ARHGEF3: variants seen among roughly 807,000 people sequenced by gnomAD.
The protein encoded by ARHGEF3 is Rho guanine nucleotide exchange factor 3.
In ARHGEF3, 28 loss-of-function variants were observed where a neutral mutation model predicts 63.2. The ratio of observed to expected loss-of-function variants is 0.44; its 90% CI spans 0.33 to 0.61. The LOEUF (loss-of-function observed/expected upper bound fraction) is 0.61. ARHGEF3 is among the 20% of genes least tolerant of loss of function. The pLI is 0.03. For missense variants in ARHGEF3, 533 were observed against 659.3 expected (o/e 0.81, Z 2.10); for synonymous variants, 266 against 254.2 (o/e 1.05, Z -0.44).
At chr3:56,874,065 C>T (rs1282425420) in intron 4 of ARHGEF3, among the ~76,000 whole-genome samples, 3 of 152,166 alleles carry the variant, frequency 2.0e-5, no homozygotes, top group East Asian at 3.8e-4. Flanking sequence ...TTATCTACCA[C>T]CTAATCTATT....
intron 2 of ARHGEF3, among the ~76,000 whole-genome samples, chr3:56,767,417 C>G (rs1250559188): frequency 2.0e-5 from 3 of 151,376 alleles, no homozygotes; most frequent in East Asian, 2.0e-4. Context: ...CCCGTCTCTA[C>G]TAAAAAATAT....
rs371659861 is a variant in ARHGEF3 at position 56,835,207 on chromosome 3, C to T, written c.192+47085G>A. On this transcript the variant is annotated intron_variant, in intron 4 of 12. Transcript: ENST00000338458. ...GTTGGTTTTTTGAGATGAAGTCTTG[C>T]TCTTGTCCCCCAGGCTGGAGTGCAA... Among the ~76,000 whole-genome samples, 14 of 152,234 alleles carry T rather than the reference C, an allele frequency of 9.2e-5. No individual in the cohort carries two copies. In the East Asian group the frequency reaches 2.5e-3, roughly 27 times the overall value.
At chr3:56,971,409 C>A (rs771941352) in intron 2 of ARHGEF3, among the ~76,000 whole-genome samples, 2 of 152,034 alleles carry the variant, frequency 1.3e-5, no homozygotes, top group Non-Finnish European at 2.9e-5. Context: ...ACTTTTGGAA[C>A]AAAAAGGCCC....
chr3:57,057,772 C>A (rs925017469), intron 1 of ARHGEF3, among the ~76,000 whole-genome samples: 6 of 152,174 alleles, frequency 3.9e-5, no homozygotes, highest in Non-Finnish European at 8.8e-5. Flanking sequence ...CGAACTCCAG[C>A]CATCGTATCA....
intron 4 of ARHGEF3, among the ~76,000 whole-genome samples, chr3:56,837,654 A>C (rs570202052): frequency 6.6e-6 from 1 of 152,344 alleles, no homozygotes; most frequent in East Asian, 1.9e-4. Flanking sequence ...CTCCACTCCA[A>C]GGCCATGCCT....
At chr3:56,888,543 T>C (rs1325103064) in intron 3 of ARHGEF3, among the ~76,000 whole-genome samples, 2 of 152,102 alleles carry the variant, frequency 1.3e-5, no homozygotes, top group East Asian at 3.9e-4. Flanking sequence ...GCAGGTTATA[T>C]ATTTGCTATA....
At chr3:56,848,134 AG>A (rs1249931036) in intron 4 of ARHGEF3, among the ~76,000 whole-genome samples, 1 of 152,194 alleles carries the variant, frequency 6.6e-6, no homozygotes, top group African/African-American at 2.4e-5. Flanking sequence ...AAGCTACCTT[AG>A]GGTTTTATCT....
chr3:57,077,910 A>G (rs1706288463), intron 1 of ARHGEF3, among the ~76,000 whole-genome samples: 1 of 152,304 alleles, frequency 6.6e-6, no homozygotes, highest in Non-Finnish European at 1.5e-5. Context: ...CCAGTGCGGA[A>G]GGGAACACCA....
chr3:56,966,602 G>A (rs936320746), intron 2 of ARHGEF3, among the ~76,000 whole-genome samples: 1 of 152,128 alleles, frequency 6.6e-6, no homozygotes, highest in Non-Finnish European at 1.5e-5. Flanking sequence ...GGGTGATGGG[G>A]TTCCACTGAA....
intron 3 of ARHGEF3, among the ~76,000 whole-genome samples, chr3:56,928,294 G>A (rs1266913939): frequency 6.6e-6 from 1 of 152,266 alleles, no homozygotes; most frequent in East Asian, 1.9e-4. Flanking sequence ...GCAACCCTCT[G>A]AAGCAAGGAC....
At chr3:56,792,811 T>C (rs2037151609) in intron 1 of ARHGEF3, among the ~76,000 whole-genome samples, 3 of 138,892 alleles carry the variant, frequency 2.2e-5, no homozygotes, top group African/African-American at 6.3e-5. Flanking sequence ...TGTTATTTTC[T>C]TTTTCTTATT....
chr3:56,870,543 A>C (rs1006759889), intron 4 of ARHGEF3, among the ~76,000 whole-genome samples: 1 of 152,204 alleles, frequency 6.6e-6, no homozygotes, highest in African/African-American at 2.4e-5. Flanking sequence ...ATAATGGTGG[A>C]TATGTGTGAT....
At chr3:56,752,074 AT>A (rs1194848843) in intron 4 of ARHGEF3, among the ~76,000 whole-genome samples, 1 of 126,516 alleles carries the variant, frequency 7.9e-6, no homozygotes, top group East Asian at 3.2e-4. Flanking sequence ...TTTAAAAAAT[AT>A]TTTTTTCTTT....
At chr3:56,992,404 A>AC (rs1701794506) in intron 2 of ARHGEF3, among the ~76,000 whole-genome samples, 1 of 137,462 alleles carries the variant, frequency 7.3e-6, no homozygotes, top group African/African-American at 2.9e-5. Flanking sequence ...AAAAAAAAAA[A>AC]AAAAAAAAAA....
intron 2 of ARHGEF3, among the ~76,000 whole-genome samples, chr3:57,014,983 C>A (rs927335653): frequency 2.0e-5 from 3 of 151,778 alleles, no homozygotes; most frequent in Non-Finnish European, 4.4e-5. Flanking sequence ...CTGTGCCCGG[C>A]CAAAGCTTGT....
chr3:57,013,528 C>A (rs558337355), intron 2 of ARHGEF3, among the ~76,000 whole-genome samples: 2 of 152,288 alleles, frequency 1.3e-5, no homozygotes, highest in African/African-American at 2.4e-5. Context: ...CTGTGTCTAG[C>A]TAAAGGTTTA....
intron 2 of ARHGEF3, among the ~76,000 whole-genome samples, chr3:56,966,906 C>T (rs866421660): frequency 2.0e-5 from 3 of 150,590 alleles, no homozygotes; most frequent in Middle Eastern, 6.8e-3. Flanking sequence ...TCTTGCTGCC[C>T]AGGCTGGAGT....
intron 3 of ARHGEF3, among the ~76,000 whole-genome samples, chr3:56,920,980 G>A (rs1051874818): frequency 1.3e-5 from 2 of 150,410 alleles, no homozygotes; most frequent in African/African-American, 2.5e-5. Context: ...ATGTGAACCT[G>A]GGAGGCGGAG....
intron 1 of ARHGEF3, chr3:57,079,216 C>A (rs1706351362): frequency 2.5e-6 from 1 of 397,322 alleles, no homozygotes; most frequent in Non-Finnish European, 4.4e-6. Flanking sequence ...CGACTGCTTC[C>A]CGCACTCACC....
Sources: gnomAD v4.1 joint callset for allele counts (sites outside exome capture counted in the v4.1 genomes callset) on GRCh38, gnomAD v4.1.1 for gene constraint, MANE v1.5 for transcripts, NCBI Gene and HGNC (gene_info 2026-07-23, HGNC 2026-07-21) for gene names.